Variants in DMD observed in about 807,000 individuals in gnomAD.
DMD encodes mutant dystrophin.
A neutral mutation model predicts 330.1 loss-of-function variants in DMD; 63 were observed. The ratio of observed to expected loss-of-function variants is 0.19; its 90% CI spans 0.16 to 0.24. The LOEUF (loss-of-function observed/expected upper bound fraction) is 0.24, where lower values mean the gene tolerates loss of function less well. Ranked by LOEUF, DMD falls within the 10% of genes least tolerant of loss-of-function variation. The pLI, the probability that DMD is intolerant of heterozygous loss-of-function variation, is 1.00. For synonymous variants in DMD, 1,223 were observed against 959.8 expected (o/e 1.27, Z -5.07); for missense variants, 3,344 against 2,684.1 (o/e 1.25, Z -5.43).
At position 31,501,610 on chromosome X, in the gene DMD, A is replaced by C. The variant is rs763763053; in HGVS notation, c.8391-4666T>G. ...TTGCTTGGTCTTTAAGGAACTCCTCAGTGTCAGGACACTAAGAATTATAGG... is the reference window on the plus strand; with the variant it reads ...TTGCTTGGTCTTTAAGGAACTCCTCCGTGTCAGGACACTAAGAATTATAGG... On this transcript the variant is annotated intron_variant, in intron 56 of 78. Coordinates refer to ENST00000357033, the MANE Select transcript of DMD (RefSeq NM_004006.3). Among the ~76,000 whole-genome samples, 10 of 112,032 alleles carry C rather than the reference A, an allele frequency of 8.9e-5. No homozygotes were observed. The South Asian group carries it at 1.5e-3, about 17-fold the overall frequency.
At chrX:32,069,987 T>C (rs1444345664) in intron 44 of DMD, among the ~76,000 whole-genome samples, 1 of 111,411 alleles carries the variant, frequency 9.0e-6, no homozygotes, top group Non-Finnish European at 1.9e-5. Flanking sequence ...TTAGGTGCTA[T>C]TGGTTTAGAT....
chrX:33,132,079 G>A (rs2095502940), intron 1 of DMD, among the ~76,000 whole-genome samples: 2 of 112,045 alleles, frequency 1.8e-5, no homozygotes, highest in South Asian at 7.4e-4. Flanking sequence ...AAGGGCTTGT[G>A]AAGATGAGGG....
rs150096259 is a variant in DMD, at chrX:31,139,375, T to C, written c.10922-5181A>G. 2.4e-3 allele frequency among the ~76,000 whole-genome samples: 263 copies of C among 110,963 alleles called. 6 individuals carry two copies. The East Asian group carries it at 0.059, about 25-fold the overall frequency. On this transcript the variant is annotated intron_variant, in intron 76 of 78. Transcript: ENST00000357033. Reference sequence around the variant, plus strand: ...AAAATATACTTGCATACCAAGATTATAGCAGCGCAATTCATAATTGCAGAA... The same window carrying C: ...AAAATATACTTGCATACCAAGATTACAGCAGCGCAATTCATAATTGCAGAA...
intron 36 of DMD, among the ~76,000 whole-genome samples, chrX:32,363,977 T>G (rs2097845858): frequency 8.9e-6 from 1 of 111,805 alleles, no homozygotes; most frequent in Admixed American, 9.5e-5. Flanking sequence ...GTATTACACC[T>G]CTCATACCCT....
intron 43 of DMD, among the ~76,000 whole-genome samples, chrX:32,284,182 T>C (rs1026121573): frequency 8.9e-6 from 1 of 111,911 alleles, no homozygotes; most frequent in Non-Finnish European, 1.9e-5. Flanking sequence ...ATCCTTCTAG[T>C]AATTTATATA....
At chrX:31,640,070 G>T (rs1227418669) in intron 54 of DMD, among the ~76,000 whole-genome samples, 2 of 111,923 alleles carry the variant, frequency 1.8e-5, no homozygotes. Flanking sequence ...TCTACAACCA[G>T]CTGTGACTAT....
At chrX:32,431,648 A>G (rs981288396) in intron 29 of DMD, among the ~76,000 whole-genome samples, 1 of 110,774 alleles carries the variant, frequency 9.0e-6, no homozygotes, top group South Asian at 3.7e-4. Context: ...TGATATATTC[A>G]TTTTCTAATT....
intron 55 of DMD, among the ~76,000 whole-genome samples, chrX:31,538,259 T>A (rs1258036875): frequency 8.9e-6 from 1 of 112,206 alleles, no homozygotes; most frequent in African/African-American, 3.2e-5. Flanking sequence ...TCACATGAGG[T>A]CAGAAGTGGA....
At chrX:33,225,788 C>A (rs759059477) in intron 1 of DMD, among the ~76,000 whole-genome samples, 111 of 110,040 alleles carry the variant, frequency 1.0e-3, no homozygotes, top group South Asian at 3.1e-3. Context: ...GGCTGCACAT[C>A]GAGAAAAATA....
At chrX:32,585,716 A>AAAAAAAAC (rs2054203966) in intron 13 of DMD, among the ~76,000 whole-genome samples, 1 of 103,174 alleles carries the variant, frequency 9.7e-6, no homozygotes. Flanking sequence ...AAAAAAAAAA[A>AAAAAAAAC]AAAAAAAAAA....
intron 44 of DMD, among the ~76,000 whole-genome samples, chrX:32,195,690 C>T (rs2096996493): frequency 8.9e-6 from 1 of 112,013 alleles, no homozygotes; most frequent in Admixed American, 9.5e-5. Flanking sequence ...AAGAGCATTG[C>T]CTTAGAGGTC....
At chrX:31,433,550 A>G (rs1175802282) in intron 60 of DMD, among the ~76,000 whole-genome samples, 1 of 104,889 alleles carries the variant, frequency 9.5e-6, no homozygotes, top group African/African-American at 3.5e-5. Context: ...TCCGCCTCCT[A>G]TGTTCAAGTG....
intron 1 of DMD, among the ~76,000 whole-genome samples, chrX:33,042,678 A>G (rs6628770): frequency 8.9e-6 from 1 of 111,900 alleles, no homozygotes; most frequent in African/African-American, 3.2e-5. Context: ...TGAAGGGTAT[A>G]TGTTTGCTAA....
At chrX:32,403,678 A>T (rs984053160) in intron 30 of DMD, among the ~76,000 whole-genome samples, 4 of 111,864 alleles carry the variant, frequency 3.6e-5, no homozygotes, top group Non-Finnish European at 5.7e-5. Flanking sequence ...TAAGTTCTGT[A>T]TAGCAACACA....
chrX:32,206,037 G>A, intron 44 of DMD: 1 of 509,511 alleles, frequency 2.0e-6, no homozygotes, highest in Non-Finnish European at 3.6e-6. Context: ...CAGTTTAGGG[G>A]CTGGGGCAAA....
chrX:32,577,813 G>T (rs1323207138), intron 13 of DMD, among the ~76,000 whole-genome samples: 2 of 112,350 alleles, frequency 1.8e-5, no homozygotes, highest in Non-Finnish European at 3.8e-5. Flanking sequence ...AGCAAGGCAG[G>T]CATAGTGCTT....
At chrX:31,319,157 C>A (rs1365778303) in intron 62 of DMD, among the ~76,000 whole-genome samples, 1 of 111,580 alleles carries the variant, frequency 9.0e-6, no homozygotes, top group Non-Finnish European at 1.9e-5. Context: ...AATATTTGGG[C>A]CACCCTAGTC....
At chrX:31,420,315 T>C (rs949033831) in intron 60 of DMD, among the ~76,000 whole-genome samples, 15 of 112,487 alleles carry the variant, frequency 1.3e-4, no homozygotes, top group African/African-American at 4.5e-4. Context: ...GTCATGTTTT[T>C]AGTAAGATGG....
chrX:32,057,893 T>C (rs2096191052), intron 44 of DMD, among the ~76,000 whole-genome samples: 1 of 110,842 alleles, frequency 9.0e-6, no homozygotes, highest in East Asian at 2.9e-4. Context: ...AAGGCAGACA[T>C]ATAGACCAAT....
Sources: allele counts gnomAD v4.1 joint callset (sites outside exome capture counted in the v4.1 genomes callset), GRCh38; gene constraint gnomAD v4.1.1; transcripts MANE v1.5; gene names NCBI Gene and HGNC (gene_info 2026-07-23, HGNC 2026-07-21).